The following FAM177A1 variants were observed in gnomAD, a reference collection of about 807,000 sequenced individuals.
FAM177A1 encodes protein FAM177A1.
FAM177A1 carries 22 observed loss-of-function variants against 26.1 expected under a neutral mutation model. The ratio of observed to expected loss-of-function variants is 0.84; its 90% CI spans 0.60 to 1.20. The LOEUF (loss-of-function observed/expected upper bound fraction) is 1.20. Among genes scored for constraint, FAM177A1 ranks in the 50% most tolerant of loss-of-function variants. The pLI is 0.00. For synonymous variants in FAM177A1, 95 were observed against 99.3 expected, an observed-to-expected ratio of 0.96 and a Z score of 0.26; for missense variants, 296 against 291.1, an observed-to-expected ratio of 1.02 and a Z score of -0.12.
chr14:35,080,528 C>T (rs1318603018), intron 4 of FAM177A1, among the ~76,000 whole-genome samples: 2 of 152,082 alleles, frequency 1.3e-5, no homozygotes, highest in Non-Finnish European at 1.5e-5. Flanking sequence ...GGGCTGAGCG[C>T]GGTGGCTCAT....
chr14:35,055,263 A>ATT (rs145067781), intron 2 of FAM177A1, among the ~76,000 whole-genome samples: 24,410 of 150,824 alleles, frequency 0.16, 2,193 homozygotes, highest in African/African-American at 0.23. Flanking sequence ...AGATCGTGCC[A>ATT]TTGTACTCCA....
chr14:35,069,802 A>G (rs867646927), intron 2 of FAM177A1, among the ~76,000 whole-genome samples: 68 of 151,998 alleles, frequency 4.5e-4, no homozygotes, highest in African/African-American at 1.6e-3. Context: ...CTCCTGGCAT[A>G]TGATACTAAT....
chr14:35,070,114 C>CAAA lies in FAM177A1; in HGVS notation c.340-7002_340-7000dup, dbSNP rs746133319. Among the ~76,000 whole-genome samples the CAAA allele has an allele frequency of 2.2e-4, 12 of 53,826 alleles. 2 individuals carry two copies. Among genetic ancestry groups the CAAA allele is most frequent in the East Asian group, 4.6e-4 (1 of 2,172 alleles). The allele number at this position is 53,826 out of a possible 152,430, so 35.3% of individuals were successfully genotyped here. On this transcript the variant is annotated intron_variant, in intron 2 of 4. Coordinates refer to ENST00000280987, the MANE Select transcript of FAM177A1 (RefSeq NM_173607.5). ...TGGGCGACAGAGTGAGACTCTGTCT[C>CAAA]AAAAAAAAAAAAAAAAAAAAAAAAA...
chr14:35,055,534 A>G (rs185152436), intron 2 of FAM177A1, among the ~76,000 whole-genome samples: 210 of 151,716 alleles, frequency 1.4e-3, no homozygotes, highest in Non-Finnish European at 2.1e-3. Context: ...CCTGGGTTTA[A>G]GCGATTCTCG....
intron 2 of FAM177A1, among the ~76,000 whole-genome samples, chr14:35,055,608 A>AT (rs956898077): frequency 1.3e-5 from 2 of 151,056 alleles, no homozygotes; most frequent in Non-Finnish European, 3.0e-5. Flanking sequence ...TAATTTTTGT[A>AT]TTTTTTTTAG....
At chr14:35,067,964 A>G (rs1432068520) in intron 2 of FAM177A1, among the ~76,000 whole-genome samples, 1 of 152,030 alleles carries the variant, frequency 6.6e-6, no homozygotes, top group African/African-American at 2.4e-5. Flanking sequence ...TTTTCTCCCA[A>G]TCCATGGGTT....
chr14:35,052,441 C>G (rs1246441751), intron 1 of FAM177A1, among the ~76,000 whole-genome samples: 2 of 151,832 alleles, frequency 1.3e-5, no homozygotes, highest in East Asian at 3.9e-4. Flanking sequence ...GATCTCCTGA[C>G]CTTGTGATCC....
At chr14:35,047,232 A>C (rs2044882569) in intron 1 of FAM177A1, 1 of 154,938 alleles carries the variant, frequency 6.5e-6, no homozygotes, top group Non-Finnish European at 1.4e-5. Flanking sequence ...TATTAATTTT[A>C]ATAGCATATC....
At chr14:35,070,114 C>CAAAAAAAAAAAAAAAAAAAAA (rs746133319) in intron 2 of FAM177A1, among the ~76,000 whole-genome samples, 1 of 53,826 alleles carries the variant, frequency 1.9e-5, no homozygotes, top group Non-Finnish European at 3.2e-5. Context: ...GACTCTGTCT[C>CAAAAAAAAAAAAAAAAAAAAA]AAAAAAAAAA....
intron 2 of FAM177A1, among the ~76,000 whole-genome samples, chr14:35,056,643 C>T (rs1471136193): frequency 6.6e-6 from 1 of 152,170 alleles, no homozygotes; most frequent in African/African-American, 2.4e-5. Flanking sequence ...CAGGTGTGAG[C>T]CAGCGCCTGG....
intron 2 of FAM177A1, among the ~76,000 whole-genome samples, chr14:35,063,159 C>CAA (rs1247353359): frequency 5.2e-5 from 3 of 57,808 alleles, no homozygotes; most frequent in Non-Finnish European, 6.9e-5. Flanking sequence ...GACTCCATCT[C>CAA]AAAAAAAAAA....
At chr14:35,068,504 G>A (rs1471498586) in intron 2 of FAM177A1, among the ~76,000 whole-genome samples, 2 of 152,154 alleles carry the variant, frequency 1.3e-5, no homozygotes, top group African/African-American at 2.4e-5. Context: ...GGAAATTAGA[G>A]GGCAGGGAAT....
intron 1 of FAM177A1, among the ~76,000 whole-genome samples, chr14:35,048,841 G>T (rs1224062047): frequency 6.6e-6 from 1 of 151,494 alleles, no homozygotes; most frequent in Non-Finnish European, 1.5e-5. Context: ...TAGGAGATAG[G>T]GTCTAGAATT....
intron 2 of FAM177A1, among the ~76,000 whole-genome samples, chr14:35,066,645 T>C (rs1232180263): frequency 6.6e-6 from 1 of 152,024 alleles, no homozygotes; most frequent in Non-Finnish European, 1.5e-5. Flanking sequence ...CCTCAAGTGA[T>C]CTGCCCGCCT....
At chr14:35,067,583 T>G (rs926774139) in intron 2 of FAM177A1, among the ~76,000 whole-genome samples, 12 of 152,218 alleles carry the variant, frequency 7.9e-5, no homozygotes, top group African/African-American at 2.7e-4. Flanking sequence ...ATTCTGTTTT[T>G]AATTTTTTGA....
chr14:35,076,632 T>C (rs574192040), intron 2 of FAM177A1, among the ~76,000 whole-genome samples: 20 of 152,224 alleles, frequency 1.3e-4, no homozygotes, highest in Admixed American at 7.9e-4. Context: ...ACGAAACTTA[T>C]CTTGCCGCTT....
intron 2 of FAM177A1, among the ~76,000 whole-genome samples, chr14:35,061,519 CT>C (rs199992810): frequency 0.19 from 17,290 of 89,182 alleles, 1,348 homozygotes; most frequent in East Asian, 0.34. Context: ...TTTCTCATTT[CT>C]TTTTTTTTTT....
intron 2 of FAM177A1, among the ~76,000 whole-genome samples, chr14:35,072,108 C>T (rs552472751): frequency 1.6e-4 from 24 of 152,196 alleles, no homozygotes; most frequent in African/African-American, 5.1e-4. Flanking sequence ...AACCCCATCT[C>T]TACTAAAAAT....
chr14:35,075,119 G>T (rs1344168330), intron 2 of FAM177A1, among the ~76,000 whole-genome samples: 1 of 152,162 alleles, frequency 6.6e-6, no homozygotes, highest in Non-Finnish European at 1.5e-5. Flanking sequence ...AAACGTATTG[G>T]TACAATGAAG....
Sources: gnomAD v4.1 joint callset for allele counts (sites outside exome capture counted in the v4.1 genomes callset) on GRCh38, gnomAD v4.1.1 for gene constraint, MANE v1.5 for transcripts, NCBI Gene and HGNC (gene_info 2026-07-23, HGNC 2026-07-21) for gene names.